Variants in CRMP1 observed in about 807,000 individuals in gnomAD.
CRMP1 encodes dihydropyrimidinase-related protein 1.
In CRMP1, 19 loss-of-function variants were observed where a neutral mutation model predicts 68.3. The observed-to-expected ratio is 0.28, with a 90% CI of 0.19 to 0.41. The LOEUF is 0.41. Ranked by LOEUF, CRMP1 falls within the 10% of genes least tolerant of loss-of-function variation. The pLI, the probability that CRMP1 is intolerant of heterozygous loss-of-function variation, is 1.00. For synonymous variants in CRMP1, 439 were observed against 399.6 expected, an observed-to-expected ratio of 1.10 and a Z score of -1.18; for missense variants, 791 against 967.4, an observed-to-expected ratio of 0.82 and a Z score of 2.42.
rs543192557 is a variant in CRMP1 at position 5,850,754 on chromosome 4, C to G, written c.882+654G>C. The stretch of plus-strand genomic sequence containing the variant: ...TCCATGATTTTCTCCACCACACTAA[C>G]AAGCAGAGCAAGGGAAACTGACAAT... On this transcript the variant is annotated intron_variant, in intron 5 of 13. Coordinates refer to ENST00000324989, the MANE Select transcript of CRMP1 (RefSeq NM_001014809.3). The surrounding 1 kb of genome is among the most constrained non-coding windows in gnomAD (Gnocchi z 4.4). 1.3e-5 allele frequency among the ~76,000 whole-genome samples: 2 copies of G among 152,292 alleles called. No individual in the cohort carries two copies. The highest frequency in any genetic ancestry group is 4.8e-5 in the African/African-American group (2 of 41,560).
intron 6 of CRMP1, among the ~76,000 whole-genome samples, chr4:5,844,831 G>A (rs955607544): frequency 2.6e-5 from 4 of 152,220 alleles, no homozygotes; most frequent in Non-Finnish European, 4.4e-5. Flanking sequence ...CTAGGACCCA[G>A]CCATTCCTCT....
In CRMP1 at chr4:5,892,475, C is replaced by G. The variant is rs1715996182; in HGVS notation, c.381+114G>C. ...GGGGCCGCGCCGTGGCTCTCCCCAGCCTGGCGGCCGCTGCCCCAACACCGG... is the reference window on the plus strand; with the variant it reads ...GGGGCCGCGCCGTGGCTCTCCCCAGGCTGGCGGCCGCTGCCCCAACACCGG... On this transcript the variant is annotated intron_variant, in intron 1 of 13. Coordinates refer to ENST00000324989, the MANE Select transcript of CRMP1 (RefSeq NM_001014809.3). This position sits in a 1 kb window ranked among gnomAD's most constrained non-coding sequence, Gnocchi z 8.6. 6.6e-6 allele frequency: 7 copies of G among 1,057,010 alleles called. No homozygotes were observed. The highest frequency in any genetic ancestry group is 8.2e-6 in the Non-Finnish European group (7 of 856,810). The allele number at this position is 1,057,010 out of a possible 1,614,324, so 65.5% of individuals were successfully genotyped here. A position where few individuals can be genotyped will look rare whatever the true frequency, so the allele number is the denominator to read the frequency against.
chr4:5,846,291 G>A (rs890561178), intron 6 of CRMP1, among the ~76,000 whole-genome samples: 1 of 152,124 alleles, frequency 6.6e-6, no homozygotes, highest in South Asian at 2.1e-4. Context: ...ATGAGATTAA[G>A]TCTCAAAAAA....
intron 13 of CRMP1, among the ~76,000 whole-genome samples, chr4:5,822,096 C>T (rs1307468800): frequency 6.6e-6 from 1 of 152,240 alleles, no homozygotes; most frequent in Non-Finnish European, 1.5e-5. Context: ...TTGTCAAAAT[C>T]CCCAGTAAAA....
chr4:5,837,858 T>G (rs962646401), intron 9 of CRMP1, among the ~76,000 whole-genome samples: 7 of 152,140 alleles, frequency 4.6e-5, no homozygotes, highest in African/African-American at 1.7e-4. Flanking sequence ...TTGTGTTGCA[T>G]GCTTCCTATG....
At chr4:5,886,088 T>A (rs1278519858) in intron 1 of CRMP1, among the ~76,000 whole-genome samples, 8 of 152,236 alleles carry the variant, frequency 5.3e-5, no homozygotes, top group Non-Finnish European at 4.4e-5. Context: ...TCTGATTTGC[T>A]GAAGGTTTTG....
In CRMP1 at chr4:5,821,328, G is replaced by C; in HGVS notation, c.*432C>G. ...AGGTCTCGGCATCGTGTCTCAGTCA[G>C]TCCTTGGCGATGTCCCCTCAGACGC... is the stretch of plus-strand genomic sequence containing the variant. On this transcript the variant is annotated 3_prime_UTR_variant, in exon 14 of 14. Transcript: ENST00000324989. The surrounding 1 kb of genome is among the most constrained non-coding windows in gnomAD (Gnocchi z 4.4). The C allele has an allele frequency of 6.0e-6, 1 of 167,298 alleles. No individual in the cohort carries two copies. The highest frequency in any genetic ancestry group is 1.3e-5 in the Non-Finnish European group (1 of 76,714). 10.4% of individuals were successfully genotyped at this position (167,298 alleles called of 1,614,324 possible).
At chr4:5,840,804 T>C (rs1186521704) in intron 8 of CRMP1, among the ~76,000 whole-genome samples, 1 of 152,158 alleles carries the variant, frequency 6.6e-6, no homozygotes, top group Non-Finnish European at 1.5e-5. Flanking sequence ...GGAGCTAGTT[T>C]CAGGCAAGCT....
rs559322897 is a variant in CRMP1, at chr4:5,881,850, C to T, written c.381+10739G>A. ...TGAGAACCACTGGTTGTTGAAATAGCTTGCATTTTTCTGTCTTCTACCAAT... is the reference window on the plus strand; with the variant it reads ...TGAGAACCACTGGTTGTTGAAATAGTTTGCATTTTTCTGTCTTCTACCAAT... On this transcript the variant is annotated intron_variant, in intron 1 of 13. Transcript: ENST00000324989. The surrounding 1 kb of genome is among the most constrained non-coding windows in gnomAD (Gnocchi z 4.6). Among the ~76,000 whole-genome samples, 90 of 152,306 alleles carry T rather than the reference C, an allele frequency of 5.9e-4. No individual in the cohort carries two copies. Among genetic ancestry groups the T allele is most frequent in the African/African-American group, 1.9e-3 (81 of 41,568 alleles).
rs1399525077 is a variant in CRMP1, at chr4:5,872,167, G to A, written c.382-5411C>T. ...CCCCCACCCAAGTAATAAGATCAAC[G>A]GGCCTTGCCTTCTAAGGCTGCCTTT... is the stretch of plus-strand genomic sequence containing the variant. On this transcript the variant is annotated intron_variant, in intron 1 of 13. Coordinates refer to ENST00000324989, the MANE Select transcript of CRMP1 (RefSeq NM_001014809.3). The surrounding 1 kb of genome is among the most constrained non-coding windows in gnomAD (Gnocchi z 4.6). Among the ~76,000 whole-genome samples the A allele has an allele frequency of 5.3e-5, 8 of 151,826 alleles. No individual in the cohort carries two copies. The highest frequency in any genetic ancestry group is 9.7e-5 in the African/African-American group (4 of 41,302).
At chr4:5,832,473 T>C (rs1459015209) in intron 11 of CRMP1, among the ~76,000 whole-genome samples, 4 of 152,248 alleles carry the variant, frequency 2.6e-5, no homozygotes, top group African/African-American at 4.8e-5. Flanking sequence ...ATTTAAAATC[T>C]AATCACTGGT....
chr4:5,840,742 G>A (rs534529251), intron 8 of CRMP1, among the ~76,000 whole-genome samples: 17 of 152,296 alleles, frequency 1.1e-4, no homozygotes, highest in South Asian at 4.1e-4. Flanking sequence ...GGCTGGTACC[G>A]CTTCCAGATT....
rs55764139 is a variant in CRMP1, at chr4:5,856,356, A to G, written c.656-49T>C. 5,410 of 1,550,054 alleles carry G rather than the reference A, an allele frequency of 3.5e-3. 164 individuals are homozygous for G. In the African/African-American group the frequency reaches 0.067, roughly 19 times the overall value. On this transcript the variant is annotated intron_variant, in intron 3 of 13. Transcript: ENST00000324989. ...TGATGCTTCAGACTCAAGTGTTCCA[A>G]TGGTAGCCACATCATTACCACTACC... is the stretch of plus-strand genomic sequence containing the variant.
chr4:5,843,942 G>A lies in CRMP1; in HGVS notation c.964-781C>T, dbSNP rs1711987055. On this transcript the variant is annotated intron_variant, in intron 6 of 13. Coordinates refer to ENST00000324989, the MANE Select transcript of CRMP1 (RefSeq NM_001014809.3). This position sits in a 1 kb window ranked among gnomAD's most constrained non-coding sequence, Gnocchi z 4.1. ...TCTGGTCCAAAGTTTCTTTGTCCCA[G>A]GAACACTTTAATTTCTAAAATAAAA... Among the ~76,000 whole-genome samples, 1 of 150,826 alleles carries A rather than the reference G, an allele frequency of 6.6e-6. No individual in the cohort carries two copies. Among genetic ancestry groups the A allele is most frequent in the African/African-American group, 2.5e-5 (1 of 40,670 alleles).
At chr4:5,886,679 C>T (rs1192309637) in intron 1 of CRMP1, among the ~76,000 whole-genome samples, 3 of 152,270 alleles carry the variant, frequency 2.0e-5, no homozygotes. Flanking sequence ...CCCAGAACTC[C>T]TGACTCCTGA....
At position 5,891,175 on chromosome 4, in the gene CRMP1, TACACACACACAC is replaced by T. The variant is rs58583102; in HGVS notation, c.381+1402_381+1413del. 1.7e-4 allele frequency among the ~76,000 whole-genome samples: 22 copies of T among 132,058 alleles called. No homozygotes were observed. The highest frequency in any genetic ancestry group is 1.4e-3 in the South Asian group (5 of 3,646). The allele number at this position is 132,058 out of a possible 152,430, so 86.6% of individuals were successfully genotyped here. ...TGATCACCCCACCACCACACACACATACACACACACACACACACACACACACACACACACACA... is the reference window on the plus strand; with the variant it reads ...TGATCACCCCACCACCACACACACATACACACACACACACACACACACACA... On this transcript the variant is annotated intron_variant, in intron 1 of 13. Transcript: ENST00000324989. The surrounding 1 kb of genome is among the most constrained non-coding windows in gnomAD (Gnocchi z 5.2).
At position 5,889,503 on chromosome 4, in the gene CRMP1, G is replaced by A. The variant is rs886645413; in HGVS notation, c.381+3086C>T. The stretch of plus-strand genomic sequence containing the variant: ...TGGGCAGGAAGCCAGGTCACAGCTT[G>A]ACAAGGTCCGTAACAGCAGAGGGGA... On this transcript the variant is annotated intron_variant, in intron 1 of 13. Coordinates refer to ENST00000324989, the MANE Select transcript of CRMP1 (RefSeq NM_001014809.3). The surrounding 1 kb of genome is among the most constrained non-coding windows in gnomAD (Gnocchi z 4.5). The A allele has an allele frequency of 2.0e-6, 3 of 1,475,436 alleles. No individual in the cohort carries two copies. The highest frequency in any genetic ancestry group is 1.8e-6 in the Non-Finnish European group (2 of 1,093,702). The allele number at this position is 1,475,436 out of a possible 1,614,324, so 91.4% of individuals were successfully genotyped here. A position where few individuals can be genotyped will look rare whatever the true frequency, so the allele number is the denominator to read the frequency against.
At chr4:5,827,644 GCA>G (rs1201017038) in intron 12 of CRMP1, among the ~76,000 whole-genome samples, 1 of 151,452 alleles carries the variant, frequency 6.6e-6, no homozygotes, top group Non-Finnish European at 1.5e-5. Context: ...TCCAACACAC[GCA>G]CACACATCCC....
At chr4:5,856,586 CATT>C (rs1400995583) in intron 3 of CRMP1, among the ~76,000 whole-genome samples, 13 of 151,286 alleles carry the variant, frequency 8.6e-5, no homozygotes, top group African/African-American at 2.4e-4. Context: ...TCATCACCAT[CATT>C]ATCACCCCAT....
Sources: gnomAD v4.1 joint callset for allele counts (sites outside exome capture counted in the v4.1 genomes callset) on GRCh38, gnomAD v4.1.1 for gene constraint, Gnocchi (gnomAD v3.1) non-coding constraint, MANE v1.5 for transcripts, NCBI Gene and HGNC (gene_info 2026-07-23, HGNC 2026-07-21) for gene names.